The following CEACAM20 variants were observed in gnomAD, a reference collection of about 807,000 sequenced individuals.
CEACAM20 encodes cell adhesion molecule CEACAM20.
Under a neutral mutation model 61.2 loss-of-function variants are expected in CEACAM20, and 50 were observed. That is an observed-to-expected ratio of 0.82 (90% confidence interval 0.65 to 1.03). The LOEUF is 1.03. Ranked by LOEUF, CEACAM20 falls within the 50% of genes least tolerant of loss-of-function variation. CEACAM20 has a pLI of 0.00. For missense variants in CEACAM20, 683 were observed against 736.4 expected, an observed-to-expected ratio of 0.93 and a Z score of 0.84; for synonymous variants, 282 against 287.7, an observed-to-expected ratio of 0.98 and a Z score of 0.20.
intron 11 of CEACAM20, among the ~76,000 whole-genome samples, chr19:44,510,247 C>T (rs1970931153): frequency 6.6e-6 from 1 of 151,956 alleles, no homozygotes; most frequent in African/African-American, 2.4e-5. Context: ...CAGGGTGGCT[C>T]ATTCCTGTAA....
chr19:44,520,640 G>C lies in CEACAM20; in HGVS notation c.864C>G (p.Phe288Leu). The change falls in exon 5 of 12, where the codon TTC becomes TTG. Residue 288 changes from phenylalanine to leucine, a missense_variant. Coordinates refer to ENST00000614924, the MANE Select transcript of CEACAM20 (RefSeq NM_001102597.3). ...TVNQSVNVQW[F>L]LSGQPLLPSE... ...TGGGCAGGAGGGGCTGGCCACTTAG[G>C]AACCACTGGACATTCACACTCTGAT... is the stretch of plus-strand genomic sequence containing the variant. 3 of 1,614,018 alleles carry C rather than the reference G, an allele frequency of 1.9e-6. No homozygotes were observed. Among genetic ancestry groups the C allele is most frequent in the Non-Finnish European group, 2.5e-6 (3 of 1,179,892 alleles).
At chr19:44,520,432 G>A in intron 5 of CEACAM20, 42 bp downstream of exon 5, 1 of 1,592,434 alleles carries the variant, frequency 6.3e-7, no homozygotes, top group Non-Finnish European at 8.6e-7. Flanking sequence ...GAGAAGGAGG[G>A]AAGCAGGGAG....
At position 44,522,668 on chromosome 19, in the gene CEACAM20, C is replaced by T. The variant is rs1203811509; in HGVS notation, c.717G>A (p.Leu239=). ...RCLVSNSATH[L]SSLGTLKVRV... ...GGACCTTCAGAGTACCCAGGCTGGA[C>T]AGGTGGGTGGCACTGTTGGACACCA... The change falls in exon 4 of 12, where the codon CTG becomes CTA. Residue 239 remains leucine, a synonymous_variant. Transcript: ENST00000614924. 5 of 1,613,564 alleles carry T rather than the reference C, an allele frequency of 3.1e-6. No individual in the cohort carries two copies. In the East Asian group the frequency reaches 8.9e-5, roughly 29 times the overall value.
chr19:44,518,406 G>A (rs1321213753), intron 5 of CEACAM20, among the ~76,000 whole-genome samples: 2 of 151,986 alleles, frequency 1.3e-5, no homozygotes, highest in Non-Finnish European at 2.9e-5. Flanking sequence ...ATATAAGAAG[G>A]AAACAAATGA....
intron 2 of CEACAM20, among the ~76,000 whole-genome samples, chr19:44,524,712 T>A (rs1971474797): frequency 6.6e-6 from 1 of 152,118 alleles, no homozygotes; most frequent in South Asian, 2.1e-4. Context: ...CCCAAATAGC[T>A]GGGACTACAG....
intron 1 of CEACAM20, among the ~76,000 whole-genome samples, chr19:44,527,114 A>G (rs1415710825): frequency 6.6e-6 from 1 of 152,184 alleles, no homozygotes; most frequent in African/African-American, 2.4e-5. Context: ...CCCTACTATC[A>G]TGGGTAAGGG....
rs1970990750 is a variant in CEACAM20, at chr19:44,511,241, A to G, written c.1612-86T>C. The G allele has an allele frequency of 4.2e-5, 65 of 1,529,488 alleles. No homozygotes were observed. In the South Asian group the frequency reaches 7.8e-4, roughly 18 times the overall value. The allele number at this position is 1,529,488 out of a possible 1,614,324, so 94.7% of individuals were successfully genotyped here. A position where few individuals can be genotyped will look rare whatever the true frequency, so the allele number is the denominator to read the frequency against. Reference sequence around the variant, plus strand: ...ACTTACACTCTTCAGGGACCGAGAGAGTGGAAGGAATCTGTTCAGGTTCTT... The same window carrying G: ...ACTTACACTCTTCAGGGACCGAGAGGGTGGAAGGAATCTGTTCAGGTTCTT... On this transcript the variant is annotated intron_variant, in intron 10 of 11. Transcript: ENST00000614924.
In CEACAM20 at chr19:44,522,799, G is replaced by A. The variant is rs1971407560; in HGVS notation, c.586C>T (p.Pro196Ser). The A allele has an allele frequency of 5.0e-6, 8 of 1,613,626 alleles. No individual in the cohort carries two copies. The highest frequency in any genetic ancestry group is 6.8e-6 in the Non-Finnish European group (8 of 1,179,830). Reference protein sequence around the residue: ...TFLAETKSHPPCAYTWFLLDS... With the variant: ...TFLAETKSHPSCAYTWFLLDS... Reference sequence around the variant, plus strand: ...AGGAGAAACCAAGTATAGGCACAGGGTGGGTGAGACTTTGTTTCCGCTAAG... The same window carrying A: ...AGGAGAAACCAAGTATAGGCACAGGATGGGTGAGACTTTGTTTCCGCTAAG... The change falls in exon 4 of 12, where the codon CCC (proline) becomes TCC (serine). Residue 196 changes from proline to serine, a missense_variant. Coordinates refer to ENST00000614924, the MANE Select transcript of CEACAM20 (RefSeq NM_001102597.3).
At chr19:44,515,632 G>A (rs549970421) in intron 6 of CEACAM20, among the ~76,000 whole-genome samples, 1 of 152,168 alleles carries the variant, frequency 6.6e-6, no homozygotes, top group South Asian at 2.1e-4. Context: ...ATTATATATG[G>A]GAAAGTTGGA....
In CEACAM20 at chr19:44,516,974, G is replaced by A. The variant is rs1490047729; in HGVS notation, c.1281C>T (p.Arg427=). The A allele has an allele frequency of 6.3e-7, 1 of 1,599,194 alleles. No individual in the cohort carries two copies. The highest frequency in any genetic ancestry group is 1.7e-4 in the Middle Eastern group (1 of 6,044). The change falls in exon 6 of 12, where the codon CGC becomes CGT. Residue 427 remains arginine (R), a synonymous_variant. Transcript: ENST00000614924. The part of the protein sequence containing the change: ...TASNSLTGLA[R]STSVLVKVVG... The stretch of plus-strand genomic sequence containing the variant: ...CCACCTTGACCAGGACTGAAGTGGA[G>A]CGGGCCAGGCCAGTGAGAGAGTTGG...
In CEACAM20 at chr19:44,513,156, T is replaced by C. The variant is rs780166258; in HGVS notation, c.1427+16A>G. Reference sequence around the variant, plus strand: ...ACATCCCCATCCCCATCCCCCTCCCTGTATCCCTGTGTTACCGTCTGGCAT... The same window carrying C: ...ACATCCCCATCCCCATCCCCCTCCCCGTATCCCTGTGTTACCGTCTGGCAT... On this transcript the variant is annotated intron_variant, in intron 7 of 11. Transcript: ENST00000614924. The C allele has an allele frequency of 1.3e-6, 2 of 1,577,014 alleles. No individual in the cohort carries two copies. The highest frequency in any genetic ancestry group is 2.7e-5 in the African/African-American group (2 of 74,208).
At chr19:44,524,486 G>T (rs1335569802) in intron 2 of CEACAM20, among the ~76,000 whole-genome samples, 1 of 152,174 alleles carries the variant, frequency 6.6e-6, no homozygotes, top group African/African-American at 2.4e-5. Context: ...TTGTGCAAGT[G>T]AGGCAGAGGG....
chr19:44,506,703 G>A (rs977884059), intron 11 of CEACAM20, among the ~76,000 whole-genome samples: 3 of 152,198 alleles, frequency 2.0e-5, no homozygotes, highest in Non-Finnish European at 4.4e-5. Context: ...CCCTCATTAT[G>A]ACAGCCTGCA....
At chr19:44,518,031 G>A (rs1719845984) in intron 5 of CEACAM20, among the ~76,000 whole-genome samples, 2 of 150,624 alleles carry the variant, frequency 1.3e-5, no homozygotes, top group South Asian at 4.2e-4. Flanking sequence ...AGGCAAGATT[G>A]TGCCACTGCA....
chr19:44,524,011 G>A lies in CEACAM20; in HGVS notation c.447C>T (p.Ser149=), dbSNP rs562062188. Residue 149 remains serine (S), a synonymous_variant, in exon 3 of 12, where the codon AGC becomes AGT. Transcript: ENST00000614924. The part of the protein sequence containing the change: ...EARDALLSQR[S]DPIFLDVKYG... Reference sequence around the variant, plus strand: ...ACTTCACATCCAGGAAGATGGGGTCGCTCCTCTGGCTCAGAAGGGCATCTC... The same window carrying A: ...ACTTCACATCCAGGAAGATGGGGTCACTCCTCTGGCTCAGAAGGGCATCTC... The A allele has an allele frequency of 1.7e-5, 27 of 1,552,714 alleles. No homozygotes were observed. Among genetic ancestry groups the A allele is most frequent in the Middle Eastern group, 3.3e-4 (2 of 5,994 alleles).
At chr19:44,529,354 GCA>G (rs71940010) in intron 1 of CEACAM20, 102 bp downstream of exon 1, 102,601 of 652,856 alleles carry the variant, frequency 0.16, 2,745 homozygotes, top group East Asian at 0.28. Context: ...TTCCTCGAGT[GCA>G]CACACACACA....
At chr19:44,529,330 G>A in intron 1 of CEACAM20, 128 bp downstream of exon 1, 1 of 784,740 alleles carries the variant, frequency 1.3e-6, no homozygotes, top group East Asian at 2.8e-5. Flanking sequence ...TTTTTTCTCT[G>A]CCTCCATCTC....
Position 44,529,601 on chromosome 19 carries a change from A to C in CEACAM20, c.-92T>G. Reference sequence around the variant, plus strand: ...TCCTCACTCCAGGTGCAGCCCCTCCACCTCCCTTCTCTCCTCTCCCACCCT... The same window carrying C: ...TCCTCACTCCAGGTGCAGCCCCTCCCCCTCCCTTCTCTCCTCTCCCACCCT... On this transcript the variant is annotated 5_prime_UTR_variant, in exon 1 of 12. Transcript: ENST00000614924. 1 of 1,039,036 alleles carries C rather than the reference A, an allele frequency of 9.6e-7. No individual in the cohort carries two copies. The highest frequency in any genetic ancestry group is 1.5e-6 in the Non-Finnish European group (1 of 683,066). 64.4% of individuals were successfully genotyped at this position (1,039,036 alleles called of 1,614,324 possible).
rs371476307 is a variant in CEACAM20 at position 44,516,954 on chromosome 19, T to G, written c.1301A>C (p.Lys434Thr). ...GLARSTSVLV[K>T]VVGPQSSSLS... ...GACCCTGAGAGACTCACCTACCACC[T>G]TGACCAGGACTGAAGTGGAGCGGGC... The change falls in exon 6 of 12, where the codon AAG (lysine) becomes ACG (threonine). Residue 434 changes from lysine to threonine, a missense_variant. Lys to Thr is a moderately conservative substitution (Grantham distance 78). Transcript: ENST00000614924. The G allele has an allele frequency of 1.9e-5, 30 of 1,597,434 alleles. No individual in the cohort carries two copies. The African/African-American group carries it at 3.6e-4, about 19-fold the overall frequency.
Sources: allele counts gnomAD v4.1 joint callset (sites outside exome capture counted in the v4.1 genomes callset), GRCh38; gene constraint gnomAD v4.1.1; transcripts MANE v1.5; gene names NCBI Gene and HGNC (gene_info 2026-07-23, HGNC 2026-07-21).